The following USP46 variants were observed in gnomAD, a reference collection of about 807,000 sequenced individuals.
The protein encoded by USP46 is ubiquitin carboxyl-terminal hydrolase 46.
USP46 carries 12 observed loss-of-function variants against 44.4 expected under a neutral mutation model. That is an observed-to-expected ratio of 0.27 (90% CI 0.17 to 0.44). USP46 has a LOEUF of 0.44. Ranked by LOEUF, USP46 falls within the 20% of genes least tolerant of loss-of-function variation. The pLI is 1.00. For synonymous variants in USP46, 155 were observed against 161.5 expected (o/e 0.96, Z 0.31); for missense variants, 248 against 444.8 (o/e 0.56, Z 3.98).
intron 6 of USP46, among the ~76,000 whole-genome samples, chr4:52,602,426 G>T (rs532585411): frequency 2.7e-4 from 41 of 152,302 alleles, no homozygotes; most frequent in African/African-American, 8.9e-4. Flanking sequence ...GAGCTTTTGA[G>T]AACAGGAAGC....
chr4:52,631,187 G>A, intron 1 of USP46, 43 bp from the exon 2 acceptor site: 4 of 1,467,152 alleles, frequency 2.7e-6, no homozygotes, highest in Non-Finnish European at 3.7e-6. Context: ...ATGTAAAATA[G>A]ACAAAAAGTA....
In USP46 at chr4:52,591,737, A is replaced by G. The variant is rs1716019686; in HGVS notation, c.*5903T>C. 1 of 152,228 alleles carries G rather than the reference A, an allele frequency of 6.6e-6. No individual in the cohort carries two copies. The highest frequency in any genetic ancestry group is 1.5e-5 in the Non-Finnish European group (1 of 68,038). 9.4% of individuals were successfully genotyped at this position (152,228 alleles called of 1,614,324 possible). On this transcript the variant is annotated 3_prime_UTR_variant, in exon 9 of 9. Transcript: ENST00000441222. ...TCCCTTTAAAACATAAAGGAACCTT[A>G]AAAAGCAAACAAAGGCTGATGCACC...
chr4:52,629,138 A>G (rs1220518457), intron 2 of USP46, among the ~76,000 whole-genome samples: 1 of 152,248 alleles, frequency 6.6e-6, no homozygotes, highest in African/African-American at 2.4e-5. Flanking sequence ...CACCTTCTCA[A>G]AACTGGTTGT....
At chr4:52,640,425 T>C (rs943026330) in intron 1 of USP46, among the ~76,000 whole-genome samples, 1 of 151,974 alleles carries the variant, frequency 6.6e-6, no homozygotes, top group South Asian at 2.1e-4. Flanking sequence ...CATCAGGGAG[T>C]AGGCCTAGAA....
rs181306682 is a variant in USP46 at position 52,648,925 on chromosome 4, C to A, written c.36+10190G>T. Among the ~76,000 whole-genome samples, 79 of 152,300 alleles carry A rather than the reference C, an allele frequency of 5.2e-4. 2 individuals are homozygous for A. The East Asian group carries it at 0.013, about 25-fold the overall frequency. ...GCATTCTTTTCTCTTTGAAAAGTAT[C>A]TGACTTGGGAACCCAATTAGACAGT... is the stretch of plus-strand genomic sequence containing the variant. On this transcript the variant is annotated intron_variant, in intron 1 of 8. Transcript: ENST00000441222.
rs577508365 is a variant in USP46, at chr4:52,656,943, G to A, written c.36+2172C>T. Among the ~76,000 whole-genome samples, 4 of 151,556 alleles carry A rather than the reference G, an allele frequency of 2.6e-5. No individual in the cohort carries two copies. The East Asian group carries it at 7.8e-4, about 30-fold the overall frequency. On this transcript the variant is annotated intron_variant, in intron 1 of 8. Coordinates refer to ENST00000441222, the MANE Select transcript of USP46 (RefSeq NM_022832.4). ...TAGTCCCAGCTACTCAGAAGGCAGA[G>A]GTGGGAGAATCACTTGAGCCTGGGA...
At chr4:52,658,121 A>G (rs1170793400) in intron 1 of USP46, 1 of 441,832 alleles carries the variant, frequency 2.3e-6, no homozygotes, top group African/African-American at 2.0e-5. Flanking sequence ...AGGGGGCTAG[A>G]GGGGAGGCGG....
At chr4:52,621,512 C>T (rs527364608) in intron 4 of USP46, among the ~76,000 whole-genome samples, 10 of 152,108 alleles carry the variant, frequency 6.6e-5, no homozygotes, top group East Asian at 5.8e-4. Context: ...AAAAATTAGC[C>T]GGGCGTGGTG....
In USP46 at chr4:52,597,653, T is replaced by G; in HGVS notation, c.1088A>C (p.Gln363Pro). The G allele has an allele frequency of 1.3e-6, 2 of 1,586,826 alleles. No individual in the cohort carries two copies. The highest frequency in any genetic ancestry group is 1.7e-6 in the Non-Finnish European group (2 of 1,164,712). The change falls in exon 9 of 9, where the codon CAG (glutamine) becomes CCG (proline). Residue 363 changes from glutamine to proline, a missense_variant. By Grantham distance (76) the Gln-to-Pro change is moderately conservative. Around this residue, in one of 5 missense-constraint regions of USP46, gnomAD observed 28 missense variants for 28.5 expected, o/e 0.98. Coordinates refer to ENST00000441222, the MANE Select transcript of USP46 (RefSeq NM_022832.4). Reference sequence around the variant, plus strand: ...CAGGTCTTTCAGTTACTCTCTTGACTGATAGAATAAAATATATCCAGATTC... The same window carrying G: ...CAGGTCTTTCAGTTACTCTCTTGACGGATAGAATAAAATATATCCAGATTC... The part of the protein sequence containing the change: ...NSESGYILFY[Q>P]SRE
chr4:52,592,524 T>C lies in USP46; in HGVS notation c.*5116A>G. On this transcript the variant is annotated 3_prime_UTR_variant, in exon 9 of 9. Coordinates refer to ENST00000441222, the MANE Select transcript of USP46 (RefSeq NM_022832.4). The stretch of plus-strand genomic sequence containing the variant: ...CATCCCCCTAGTACTGCCTCATGAC[T>C]GAGTTCTCACGAGATCTGGTTGTTT... The C allele has an allele frequency of 5.3e-6, 1 of 187,416 alleles. No individual in the cohort carries two copies. The highest frequency in any genetic ancestry group is 1.1e-5 in the Non-Finnish European group (1 of 91,460). 11.6% of individuals were successfully genotyped at this position (187,416 alleles called of 1,614,324 possible).
intron 4 of USP46, among the ~76,000 whole-genome samples, chr4:52,613,671 G>A (rs1165690331): frequency 2.0e-5 from 3 of 149,578 alleles, no homozygotes; most frequent in African/African-American, 7.4e-5. Flanking sequence ...GCAGTAAGCC[G>A]AGATCTCGCC....
Position 52,650,188 on chromosome 4 carries a change from T to C in USP46, c.36+8927A>G, listed in dbSNP as rs116266745. Among the ~76,000 whole-genome samples, 637 of 152,318 alleles carry C rather than the reference T, an allele frequency of 4.2e-3. 1 individual carries two copies. Among genetic ancestry groups the C allele is most frequent in the African/African-American group, 0.015 (611 of 41,564 alleles). The stretch of plus-strand genomic sequence containing the variant: ...AACACTGTTTCCAGAGAGAATATTG[T>C]AGAAACTACCAAACTGCCCCTAAAT... On this transcript the variant is annotated intron_variant, in intron 1 of 8. Transcript: ENST00000441222.
chr4:52,650,329 A>G (rs1053994888), intron 1 of USP46, among the ~76,000 whole-genome samples: 5 of 152,280 alleles, frequency 3.3e-5, no homozygotes, highest in Admixed American at 6.5e-5. Flanking sequence ...TGTTGAGTAA[A>G]GAAAGACAGT....
At chr4:52,620,706 A>T (rs1335062876) in intron 4 of USP46, among the ~76,000 whole-genome samples, 1 of 152,238 alleles carries the variant, frequency 6.6e-6, no homozygotes, top group Non-Finnish European at 1.5e-5. Context: ...CATTTTGGGA[A>T]TTTGACACTT....
chr4:52,656,473 A>T, intron 1 of USP46: 1 of 1,450,226 alleles, frequency 6.9e-7, no homozygotes, highest in Non-Finnish European at 9.1e-7. Flanking sequence ...GGCGGGGTTA[A>T]GGATTCCCAC....
intron 7 of USP46, 97 bp downstream of exon 7, chr4:52,601,760 G>C: frequency 1.5e-6 from 2 of 1,298,484 alleles, no homozygotes; most frequent in Non-Finnish European, 1.0e-6. Flanking sequence ...CAAAACTATT[G>C]AGTGCCACGG....
chr4:52,658,325 G>A (rs1409623584), intron 1 of USP46: 1 of 455,820 alleles, frequency 2.2e-6, no homozygotes, highest in East Asian at 7.0e-5. Flanking sequence ...AAATTAAAGT[G>A]ACCACCGCAT....
At chr4:52,606,387 T>C (rs187465083) in intron 5 of USP46, among the ~76,000 whole-genome samples, 1 of 152,264 alleles carries the variant, frequency 6.6e-6, no homozygotes, top group Non-Finnish European at 1.5e-5. Flanking sequence ...AGAGGTTTAA[T>C]GAACTCACAG....
intron 5 of USP46, among the ~76,000 whole-genome samples, chr4:52,608,868 A>G (rs1377060247): frequency 6.6e-6 from 1 of 152,202 alleles, no homozygotes; most frequent in Admixed American, 6.5e-5. Flanking sequence ...TGGTGGTTTT[A>G]GAGCACTGAG....
Sources: gnomAD v4.1 joint callset for allele counts (sites outside exome capture counted in the v4.1 genomes callset) on GRCh38, gnomAD v4.1.1 for gene constraint, gnomAD v4.1.1 regional missense constraint, MANE v1.5 for transcripts, NCBI Gene and HGNC (gene_info 2026-07-23, HGNC 2026-07-21) for gene names.